Variants in PDZD2 observed in about 807,000 individuals in gnomAD.
The protein encoded by PDZD2 is PDZ domain-containing protein 2.
A neutral mutation model predicts 220.7 loss-of-function variants in PDZD2; 90 were observed. The ratio of observed to expected loss-of-function variants is 0.41; its 90% CI spans 0.34 to 0.49. The LOEUF (loss-of-function observed/expected upper bound fraction) is 0.49, where lower values mean the gene tolerates loss of function less well. Among genes scored for constraint, PDZD2 ranks in the 20% least tolerant of loss-of-function variants. The pLI is 0.28. For missense variants in PDZD2, 3,174 were observed against 3,608.5 expected (o/e 0.88, Z 3.08); for synonymous variants, 1,375 against 1,450.5 (o/e 0.95, Z 1.18).
intron 2 of PDZD2, among the ~76,000 whole-genome samples, chr5:31,947,312 T>C (rs1190311898): frequency 6.6e-6 from 1 of 152,216 alleles, no homozygotes; most frequent in Non-Finnish European, 1.5e-5. Context: ...TGCCCATGTA[T>C]GCAGGGTACA....
chr5:31,647,017 C>T lies in PDZD2; in HGVS notation c.-361+7580C>T, dbSNP rs546484240. Among the ~76,000 whole-genome samples, 6 of 152,274 alleles carry T rather than the reference C, an allele frequency of 3.9e-5. No individual in the cohort carries two copies. In the South Asian group the frequency reaches 1.2e-3, roughly 32 times the overall value. On this transcript the variant is annotated intron_variant, in intron 1 of 24. Transcript: ENST00000438447. ...TTTAAAAACCTAAGCAGATGTCAGG[C>T]TTATTGATTTCTTTATTGGTGGCAG...
chr5:32,044,659 A>G (rs1344553115), intron 7 of PDZD2, among the ~76,000 whole-genome samples: 1 of 152,242 alleles, frequency 6.6e-6, no homozygotes, highest in Non-Finnish European at 1.5e-5. Flanking sequence ...GCAATGCTTC[A>G]GTCCAACAGA....
At chr5:32,018,384 T>G (rs1438594049) in intron 6 of PDZD2, among the ~76,000 whole-genome samples, 1 of 152,244 alleles carries the variant, frequency 6.6e-6, no homozygotes, top group Non-Finnish European at 1.5e-5. Context: ...AGGGAGGTTT[T>G]AGGCCCCCAA....
At chr5:31,931,234 G>A (rs1363718140) in intron 2 of PDZD2, among the ~76,000 whole-genome samples, 1 of 151,684 alleles carries the variant, frequency 6.6e-6, no homozygotes, top group Non-Finnish European at 1.5e-5. Context: ...TGTTGGCCAG[G>A]CTGGTTTCGA....
chr5:31,980,156 T>C (rs1750173714), intron 2 of PDZD2, among the ~76,000 whole-genome samples: 2 of 152,168 alleles, frequency 1.3e-5, no homozygotes, highest in African/African-American at 4.8e-5. Context: ...TTCCAGAACA[T>C]TTCCTTCACC....
In PDZD2 at chr5:31,863,148, G is replaced by A. The variant is rs145494063; in HGVS notation, c.476+63424G>A. Among the ~76,000 whole-genome samples, 242 of 152,334 alleles carry A rather than the reference G, an allele frequency of 1.6e-3. 1 individual carries two copies. Among genetic ancestry groups the A allele is most frequent in the African/African-American group, 5.2e-3 (218 of 41,574 alleles). ...ATTCTGCCTGCCTCGACCTCCCAAA[G>A]TGCTGGGCTTACAGCCATGAGCCAC... On this transcript the variant is annotated intron_variant, in intron 2 of 24. Coordinates refer to ENST00000438447, the MANE Select transcript of PDZD2 (RefSeq NM_178140.4).
chr5:32,057,709 A>G lies in PDZD2; in HGVS notation c.1955A>G (p.Glu652Gly). ...CCAATAAAGGGCTTGACATTTCAAGAAGCCATTCATACCTTTAAGGTAACA... is the reference window on the plus strand; with the variant it reads ...CCAATAAAGGGCTTGACATTTCAAGGAGCCATTCATACCTTTAAGGTAACA... ...GIPIKGLTFQ[E>G]AIHTFKQIRS... The change falls in exon 11 of 25, where the codon GAA (glutamate) becomes GGA (glycine). Residue 652 changes from glutamate (E) to glycine (G), a missense_variant. Transcript: ENST00000438447. 6.3e-7 allele frequency: 1 copy of G among 1,590,160 alleles called. No individual in the cohort carries two copies. Among genetic ancestry groups the G allele is most frequent in the Non-Finnish European group, 8.6e-7 (1 of 1,159,164 alleles).
Position 32,090,164 on chromosome 5 carries a change from C to G in PDZD2, c.6716C>G (p.Pro2239Arg), listed in dbSNP as rs779037180. The change falls in exon 20 of 25, where the codon CCC becomes CGC. Residue 2239 changes from proline to arginine, a missense_variant. Coordinates refer to ENST00000438447, the MANE Select transcript of PDZD2 (RefSeq NM_178140.4). The surrounding 1 kb of genome is among the most constrained non-coding windows in gnomAD (Gnocchi z 4.3). ...FSSHFGREGHPPHSLGRSRDS... is the reference protein window; with the variant it reads ...FSSHFGREGHRPHSLGRSRDS... ...AGCCATTTTGGACGGGAGGGTCACC[C>G]CCCACACAGCCTGGGTCGCTCTCGG... The G allele has an allele frequency of 1.2e-6, 2 of 1,614,086 alleles. No individual in the cohort carries two copies. The highest frequency in any genetic ancestry group is 4.5e-5 in the East Asian group (2 of 44,872).
At chr5:31,974,741 A>G (rs1048737852) in intron 2 of PDZD2, among the ~76,000 whole-genome samples, 2 of 152,160 alleles carry the variant, frequency 1.3e-5, no homozygotes, top group African/African-American at 4.8e-5. Context: ...GATGAGTGTG[A>G]CTTAAATTCC....
chr5:31,995,648 G>A lies in PDZD2; in HGVS notation c.1051G>A (p.Gly351Ser), dbSNP rs759534773. 6.2e-7 allele frequency: 1 copy of A among 1,614,108 alleles called. No individual in the cohort carries two copies. The highest frequency in any genetic ancestry group is 1.7e-5 in the Admixed American group (1 of 60,006). The change falls in exon 4 of 25, where the codon GGC becomes AGC. Residue 351 changes from glycine to serine, a missense_variant. Around this residue, in one of 4 missense-constraint regions of PDZD2, gnomAD observed 632 missense variants for 708.1 expected, o/e 0.89. Transcript: ENST00000438447. ...SDGLGIQVSG[G>S]RGSKRSPHAI... is the part of the protein sequence containing the mutation. Reference sequence around the variant, plus strand: ...TGGGCTGGGAATTCAGGTTAGTGGAGGCCGAGGATCAAAGCGCTCACCTCA... The same window carrying A: ...TGGGCTGGGAATTCAGGTTAGTGGAAGCCGAGGATCAAAGCGCTCACCTCA...
At chr5:31,748,041 A>G (rs1561427848) in intron 1 of PDZD2, 1 of 152,278 alleles carries the variant, frequency 6.6e-6, no homozygotes, top group South Asian at 2.1e-4. Context: ...AACTGAAGTC[A>G]CAAATTTAAA....
intron 1 of PDZD2, among the ~76,000 whole-genome samples, chr5:31,652,281 C>A (rs908258802): frequency 6.6e-5 from 10 of 152,122 alleles, no homozygotes; most frequent in Admixed American, 2.0e-4. Context: ...GTGTGAGCCA[C>A]CGCCCTGGGT....
intron 3 of PDZD2, among the ~76,000 whole-genome samples, chr5:31,989,457 C>G (rs1331919992): frequency 8.1e-6 from 1 of 123,182 alleles, no homozygotes; most frequent in Non-Finnish European, 1.6e-5. Context: ...AAGTCTCACT[C>G]CGTCACCCAG....
At chr5:31,767,077 A>G (rs1217500399) in intron 1 of PDZD2, among the ~76,000 whole-genome samples, 42 of 127,994 alleles carry the variant, frequency 3.3e-4, no homozygotes, top group Non-Finnish European at 5.3e-4. Flanking sequence ...CTCAGTGGAG[A>G]CTGGAGTGCA....
At chr5:31,850,827 G>A (rs1010586872) in intron 2 of PDZD2, among the ~76,000 whole-genome samples, 25 of 151,962 alleles carry the variant, frequency 1.6e-4, no homozygotes, top group African/African-American at 4.6e-4. Context: ...TAGTAGAGAC[G>A]GAGTTTCGCC....
chr5:32,109,313 C>CTGT lies in PDZD2; in HGVS notation c.*1180_*1182dup, dbSNP rs1554046059. ...ACAACTGCAGTGACTTAAGTTTTTGCTGTTTTCGTTTTCCCGCTTTGCAAT... is the reference window on the plus strand; with the variant it reads ...ACAACTGCAGTGACTTAAGTTTTTGCTGTTGTTTTCGTTTTCCCGCTTTGCAAT... On this transcript the variant is annotated 3_prime_UTR_variant, in exon 25 of 25. Coordinates refer to ENST00000438447, the MANE Select transcript of PDZD2 (RefSeq NM_178140.4). The CTGT allele has an allele frequency of 2.0e-5, 3 of 151,864 alleles. No homozygotes were observed. Among genetic ancestry groups the CTGT allele is most frequent in the African/African-American group, 7.3e-5 (3 of 41,210 alleles). The allele number at this position is 151,864 out of a possible 1,614,324, so 9.4% of individuals were successfully genotyped here. A position where few individuals can be genotyped will look rare whatever the true frequency, so the allele number is the denominator to read the frequency against.
At chr5:32,014,102 C>A (rs528257396) in intron 6 of PDZD2, among the ~76,000 whole-genome samples, 41 of 152,240 alleles carry the variant, frequency 2.7e-4, no homozygotes, top group African/African-American at 9.4e-4. Flanking sequence ...TTTGTTTCAG[C>A]GTTTTTAAAA....
At chr5:32,003,376 C>T (rs1160905603) in intron 5 of PDZD2, among the ~76,000 whole-genome samples, 2 of 71,838 alleles carry the variant, frequency 2.8e-5, no homozygotes, top group Non-Finnish European at 7.6e-5. Context: ...ACACACACCA[C>T]ACACACACCC....
chr5:31,692,169 C>G (rs996799613), intron 1 of PDZD2, among the ~76,000 whole-genome samples: 2 of 152,234 alleles, frequency 1.3e-5, no homozygotes, highest in East Asian at 1.9e-4. Flanking sequence ...GGGAAGGCAG[C>G]TAAGGCCCGG....
Sources: allele counts gnomAD v4.1 joint callset (sites outside exome capture counted in the v4.1 genomes callset), GRCh38; gene constraint gnomAD v4.1.1; regional missense constraint gnomAD v4.1.1; non-coding constraint Gnocchi (gnomAD v3.1); transcripts MANE v1.5; gene names NCBI Gene and HGNC (gene_info 2026-07-23, HGNC 2026-07-21).